The following LOC400499 variants were observed in gnomAD, a reference collection of about 807,000 sequenced individuals.
At chr16:11,386,187 G>A in the LOC400499 span, among the ~76,000 whole-genome samples, 1 of 152,220 alleles carries the variant, frequency 6.6e-6, no homozygotes, top group Admixed American at 6.5e-5. Context: ...TCAGGGTAGG[G>A]AACAGATGGC....
chr16:11,491,381 G>A, the LOC400499 span, among the ~76,000 whole-genome samples: 20 of 152,048 alleles, frequency 1.3e-4, no homozygotes, highest in African/African-American at 4.1e-4. Flanking sequence ...ATACTGTGTC[G>A]TGATCTGGCC....
the LOC400499 span, chr16:11,440,735 C>A: frequency 2.5e-6 from 1 of 399,044 alleles, no homozygotes; most frequent in Non-Finnish European, 4.4e-6. Flanking sequence ...TGGGATGTGA[C>A]GTTGTGATTG....
the LOC400499 span, among the ~76,000 whole-genome samples, chr16:11,474,110 C>T: frequency 2.0e-5 from 3 of 152,348 alleles, no homozygotes; most frequent in East Asian, 1.9e-4. Context: ...CCTCTCACCT[C>T]GGCCTCCCGA....
the LOC400499 span, among the ~76,000 whole-genome samples, chr16:11,415,154 T>G: frequency 1.3e-5 from 2 of 152,210 alleles, no homozygotes; most frequent in Non-Finnish European, 2.9e-5. Context: ...CACCTGGCCC[T>G]GGCTGGAGGG....
At chr16:11,414,272 C>A in the LOC400499 span, 1 of 399,064 alleles carries the variant, frequency 2.5e-6, no homozygotes, top group Non-Finnish European at 4.4e-6. Context: ...CACAGCGGGT[C>A]CTCTGCACAC....
the LOC400499 span, chr16:11,514,309 C>G: frequency 2.5e-6 from 1 of 399,080 alleles, no homozygotes; most frequent in Non-Finnish European, 4.4e-6. Context: ...TCTGGCCAGA[C>G]CCCCTCATGC....
the LOC400499 span, chr16:11,494,464 A>C: frequency 2.6e-6 from 1 of 390,376 alleles, no homozygotes; most frequent in Non-Finnish European, 4.5e-6. Flanking sequence ...GATAGGAGGA[A>C]GGGGCAAAGG....
chr16:11,407,971 T>G, the LOC400499 span, among the ~76,000 whole-genome samples: 1 of 8,644 alleles, frequency 1.2e-4, no homozygotes, highest in African/African-American at 1.8e-4. Context: ...TCCAGAGCTG[T>G]TTTTTTTTTT....
the LOC400499 span, among the ~76,000 whole-genome samples, chr16:11,501,666 C>T: frequency 6.6e-6 from 1 of 152,212 alleles, no homozygotes; most frequent in South Asian, 2.1e-4. Context: ...GCCTTACTAG[C>T]CCCAGATCAG....
chr16:11,404,456 C>G, the LOC400499 span, among the ~76,000 whole-genome samples: 1 of 152,184 alleles, frequency 6.6e-6, no homozygotes, highest in African/African-American at 2.4e-5. Context: ...AAGCGATTCT[C>G]CTGCCTCAGC....
chr16:11,460,353 T>C, the LOC400499 span: 3 of 1,202,292 alleles, frequency 2.5e-6, no homozygotes, highest in African/African-American at 1.5e-5. Flanking sequence ...CCCGGATCCA[T>C]TCCCATATGG....
chr16:11,475,196 A>G, the LOC400499 span, among the ~76,000 whole-genome samples: 38 of 152,248 alleles, frequency 2.5e-4, no homozygotes, highest in African/African-American at 9.1e-4. Context: ...GAGCATTAGG[A>G]CAAATACCTA....
the LOC400499 span, among the ~76,000 whole-genome samples, chr16:11,470,168 C>T: frequency 6.6e-6 from 1 of 152,178 alleles, no homozygotes; most frequent in Non-Finnish European, 1.5e-5. Context: ...CTGCCTTGGC[C>T]TCCCAAACTG....
chr16:11,393,075 C>T, the LOC400499 span, among the ~76,000 whole-genome samples: 4 of 151,926 alleles, frequency 2.6e-5, no homozygotes, highest in South Asian at 2.1e-4. Flanking sequence ...AGGATGGTCT[C>T]GATCTCCTGA....
At chr16:11,421,504 C>T in the LOC400499 span, among the ~76,000 whole-genome samples, 32 of 152,114 alleles carry the variant, frequency 2.1e-4, no homozygotes, top group African/African-American at 5.1e-4. Flanking sequence ...TGGGTTCAAA[C>T]GATTCTCCTG....
the LOC400499 span, among the ~76,000 whole-genome samples, chr16:11,435,460 A>G: frequency 6.6e-6 from 1 of 152,194 alleles, no homozygotes; most frequent in African/African-American, 2.4e-5. Flanking sequence ...TAACAACGCA[A>G]AAAAGAAACA....
the LOC400499 span, chr16:11,470,692 A>T: frequency 1.3e-5 from 2 of 152,292 alleles, no homozygotes; most frequent in Admixed American, 1.3e-4. Flanking sequence ...CGTCCTAGAG[A>T]GGAGGCACAG....
chr16:11,516,849 G>A, the LOC400499 span, among the ~76,000 whole-genome samples: 9 of 152,090 alleles, frequency 5.9e-5, no homozygotes, highest in South Asian at 2.1e-4. Context: ...TTCCCGCTAC[G>A]TTGCCCAGGC....
At chr16:11,396,563 G>A in the LOC400499 span, 13 of 1,232,188 alleles carry the variant, frequency 1.1e-5, no homozygotes, top group Non-Finnish European at 1.2e-5. Flanking sequence ...GTTTTGGAGG[G>A]TCAGGCTGAG....
Sources: allele counts gnomAD v4.1 joint callset (sites outside exome capture counted in the v4.1 genomes callset), GRCh38; gene constraint gnomAD v4.1.1; transcripts MANE v1.5.